The following SLC5A6 variants were observed in gnomAD, a reference collection of about 807,000 sequenced individuals.
SLC5A6 encodes sodium-dependent multivitamin transporter.
In SLC5A6, 31 loss-of-function variants were observed where a neutral mutation model predicts 67.9. The ratio of observed to expected loss-of-function variants is 0.46; its 90% CI spans 0.34 to 0.62. The LOEUF (loss-of-function observed/expected upper bound fraction) is 0.62, where lower values mean the gene tolerates loss of function less well. Among genes scored for constraint, SLC5A6 ranks in the 20% least tolerant of loss-of-function variants. The pLI is 0.01. For missense variants in SLC5A6, 673 were observed against 812.8 expected (o/e 0.83, Z 2.09); for synonymous variants, 343 against 331.0 (o/e 1.04, Z -0.39).
chr2:27,212,056 C>T lies in SLC5A6; in HGVS notation c.-244G>A, dbSNP rs1674570873. The T allele has an allele frequency of 1.8e-6, 2 of 1,095,634 alleles. No homozygotes were observed. The highest frequency in any genetic ancestry group is 2.5e-6 in the Non-Finnish European group (2 of 791,452). 67.9% of individuals were successfully genotyped at this position (1,095,634 alleles called of 1,614,324 possible). A position where few individuals can be genotyped will look rare whatever the true frequency, so the allele number is the denominator to read the frequency against. ...GGAGGGGCCCGAGTTTCTGCGAAGC[C>T]GCGACCTCGGCGTCCGGACGCGGGG... is the stretch of plus-strand genomic sequence containing the variant. On this transcript the variant is annotated 5_prime_UTR_variant, in exon 1 of 17. Transcript: ENST00000310574.
At chr2:27,202,901 A>C in intron 11 of SLC5A6, 21 bp from the exon 12 acceptor site, 1 of 1,611,676 alleles carries the variant, frequency 6.2e-7, no homozygotes, top group Non-Finnish European at 8.5e-7. Flanking sequence ...AGGACAGGAG[A>C]GGAAACAAGA....
upstream of SLC5A6, chr2:27,212,756 T>C: frequency 1.1e-6 from 1 of 880,128 alleles, no homozygotes; most frequent in Non-Finnish European, 1.6e-6. Context: ...TTGTGTAATC[T>C]CTCTACGCAC....
Position 27,201,085 on chromosome 2 carries a change from A to G in SLC5A6, c.1677T>C (p.Pro559=), listed in dbSNP as rs770103895. The part of the protein sequence containing the change: ...TGRMRGRSLN[P]ATIYPVLPKL... ...TTGGCAACACTGGGTAAATGGTTGC[A>G]GGGTTCAGGGACCGGCCTCGCATTC... Residue 559 remains proline, a synonymous_variant, in exon 16 of 17, where the codon CCT becomes CCC. Transcript: ENST00000310574. 3 of 1,613,736 alleles carry G rather than the reference A, an allele frequency of 1.9e-6. No individual in the cohort carries two copies. In the South Asian group the frequency reaches 3.3e-5, roughly 18 times the overall value.
intron 16 of SLC5A6, 69 bp downstream of exon 16, chr2:27,200,929 G>A (rs893226844): frequency 7.7e-6 from 8 of 1,035,588 alleles, no homozygotes; most frequent in South Asian, 2.8e-5. Flanking sequence ...AGGGGTAGAA[G>A]GGAACCTGAA....
chr2:27,211,557 T>C (rs1674503995), intron 1 of SLC5A6, 24 bp from the exon 2 acceptor site: 1 of 152,560 alleles, frequency 6.6e-6, no homozygotes, highest in African/African-American at 2.4e-5. Context: ...GAAAATGAGT[T>C]AGGGAAGCGT....
In SLC5A6 at chr2:27,207,724, G is replaced by C; in HGVS notation, c.-74C>G. 1 of 1,410,564 alleles carries C rather than the reference G, an allele frequency of 7.1e-7. No homozygotes were observed. Among genetic ancestry groups the C allele is most frequent in the Non-Finnish European group, 9.8e-7 (1 of 1,024,964 alleles). The allele number at this position is 1,410,564 out of a possible 1,614,324, so 87.4% of individuals were successfully genotyped here. On this transcript the variant is annotated 5_prime_UTR_variant, in exon 3 of 17. Coordinates refer to ENST00000310574, the MANE Select transcript of SLC5A6 (RefSeq NM_021095.4). This position sits in a 1 kb window ranked among gnomAD's most constrained non-coding sequence, Gnocchi z 5.5. ...GGGGTAGGGCAGGGGCGGATGTGTG[G>C]CTACAATCTGGCTTCCAGCCACAGT...
chr2:27,209,037 CATA>C (rs1437563126), intron 2 of SLC5A6, among the ~76,000 whole-genome samples: 1 of 152,216 alleles, frequency 6.6e-6, no homozygotes, highest in Non-Finnish European at 1.5e-5. Context: ...GGGAAGGGAT[CATA>C]ATATTTAAAA....
At chr2:27,209,436 G>A (rs1674303869) in intron 2 of SLC5A6, among the ~76,000 whole-genome samples, 1 of 152,206 alleles carries the variant, frequency 6.6e-6, no homozygotes, top group African/African-American at 2.4e-5. Context: ...AAAACAGCAT[G>A]TCTCAGATTA....
upstream of SLC5A6, chr2:27,212,690 C>T: frequency 7.5e-7 from 1 of 1,331,602 alleles, no homozygotes; most frequent in Non-Finnish European, 9.7e-7. Context: ...AACTTGATTT[C>T]GCCCCTTAAT....
rs1169519556 is a variant in SLC5A6, at chr2:27,207,527, T to C, written c.124A>G (p.Ile42Val). The change falls in exon 3 of 17, where the codon ATT (isoleucine) becomes GTT (valine). Residue 42 changes from isoleucine to valine, a missense_variant. By Grantham distance (29) the Ile-to-Val change is conservative. Transcript: ENST00000310574. The surrounding 1 kb of genome is among the most constrained non-coding windows in gnomAD (Gnocchi z 5.5). ...CCACGACAAGCATGGTAGAGCCCAA[T>C]GGCAAGAGAGAGAACCAGCAGCAGG... The part of the protein sequence containing the change: ...FVLLLVLSLA[I>V]GLYHACRGWG... 1.2e-6 allele frequency: 2 copies of C among 1,614,112 alleles called. No homozygotes were observed. Among genetic ancestry groups the C allele is most frequent in the Non-Finnish European group, 1.7e-6 (2 of 1,180,016 alleles).
At position 27,204,596 on chromosome 2, in the gene SLC5A6, A is replaced by G. The variant is rs1189197752; in HGVS notation, c.876-6T>C. ...GGAACACTGCATAACAGGAGCTGCA[A>G]AAGAGGTCAGTGCCAGGAGGAGAGC... On this transcript the variant is annotated splice_region_variant and splice_polypyrimidine_tract_variant and intron_variant, in intron 8 of 16. Transcript: ENST00000310574. 6.2e-7 allele frequency: 1 copy of G among 1,613,740 alleles called. No individual in the cohort carries two copies. Among genetic ancestry groups the G allele is most frequent in the African/African-American group, 1.3e-5 (1 of 74,896 alleles).
rs2148014406 is a variant in SLC5A6 at position 27,207,246 on chromosome 2, G to A, written c.393+12C>T. ...CGTGTCCCACGCACTTCTCCCTTCT[G>A]TCCCTGCTCACCTCATAGGCACTGG... On this transcript the variant is annotated intron_variant, in intron 3 of 16. Coordinates refer to ENST00000310574, the MANE Select transcript of SLC5A6 (RefSeq NM_021095.4). This position sits in a 1 kb window ranked among gnomAD's most constrained non-coding sequence, Gnocchi z 5.5. The A allele has an allele frequency of 1.2e-6, 2 of 1,612,574 alleles. No individual in the cohort carries two copies. Among genetic ancestry groups the A allele is most frequent in the Non-Finnish European group, 1.7e-6 (2 of 1,179,038 alleles).
In SLC5A6 at chr2:27,200,585, AAC is replaced by A. The variant is rs1325085996; in HGVS notation, c.1765-8_1765-7del. 5 of 1,609,520 alleles carry A rather than the reference AAC, an allele frequency of 3.1e-6. No homozygotes were observed. The highest frequency in any genetic ancestry group is 8.5e-7 in the Non-Finnish European group (1 of 1,177,698). On this transcript the variant is annotated splice_region_variant and splice_polypyrimidine_tract_variant and intron_variant, in intron 16 of 16. Transcript: ENST00000310574. ...AGGCCAGTGTCGAGGTGGTCCTGCA[AAC>A]ACAGAGCCAAAGGGGTGGAACTGGT...
At chr2:27,202,946 A>C (rs1673765439) in intron 11 of SLC5A6, 66 bp from the exon 12 acceptor site, 1 of 1,594,232 alleles carries the variant, frequency 6.3e-7, no homozygotes, top group African/African-American at 1.4e-5. Flanking sequence ...GGGTAAAGCA[A>C]GGCTCCCTGC....
At position 27,207,085 on chromosome 2, in the gene SLC5A6, A is replaced by G. The variant is rs984941234; in HGVS notation, c.394-143T>C. On this transcript the variant is annotated intron_variant, in intron 3 of 16. Coordinates refer to ENST00000310574, the MANE Select transcript of SLC5A6 (RefSeq NM_021095.4). This position sits in a 1 kb window ranked among gnomAD's most constrained non-coding sequence, Gnocchi z 5.5. Reference sequence around the variant, plus strand: ...TACTCGGCATAGCACCCTCCTCTCCAATCCTGCCCCTATACCTAACATCAC... The same window carrying G: ...TACTCGGCATAGCACCCTCCTCTCCGATCCTGCCCCTATACCTAACATCAC... 2 of 1,027,412 alleles carry G rather than the reference A, an allele frequency of 1.9e-6. No homozygotes were observed. The highest frequency in any genetic ancestry group is 2.4e-5 in the East Asian group (1 of 42,008). 63.6% of individuals were successfully genotyped at this position (1,027,412 alleles called of 1,614,324 possible).
Position 27,206,912 on chromosome 2 carries a change from G to T in SLC5A6, c.424C>A (p.Arg142=). 6.2e-7 allele frequency: 1 copy of T among 1,613,652 alleles called. No homozygotes were observed. The highest frequency in any genetic ancestry group is 8.5e-7 in the Non-Finnish European group (1 of 1,179,628). ...YLELRFNKTV[R]VCGTVTFIFQ... is the part of the protein sequence containing the mutation. ...ATGAAGGTCACAGTTCCACACACTC[G>T]CACAGTTTTATTGAATCGAAGCTCC... is the stretch of plus-strand genomic sequence containing the variant. Residue 142 remains arginine, a synonymous_variant, in exon 4 of 17, where the codon CGA becomes AGA. Transcript: ENST00000310574.
intron 2 of SLC5A6, among the ~76,000 whole-genome samples, 165 bp downstream of exon 2, chr2:27,211,302 T>C (rs1170050265): frequency 6.6e-6 from 1 of 152,080 alleles, no homozygotes; most frequent in East Asian, 1.9e-4. Context: ...ATGGGGGTAA[T>C]GTGGAAGGGA....
chr2:27,203,814 C>CCCTGGCAGG lies in SLC5A6; in HGVS notation c.1050_1058dup (p.Pro352_Leu354dup). 1.2e-6 allele frequency: 2 copies of CCCTGGCAGG among 1,614,060 alleles called. No individual in the cohort carries two copies. Among genetic ancestry groups the CCCTGGCAGG allele is most frequent in the Non-Finnish European group, 1.7e-6 (2 of 1,179,952 alleles). ...CGCTGAAGAGGCAGGCAATGAAGAG[C>CCCTGGCAGG]CCTGGCAGGCCTGGCAGGCCCTTCA... On this transcript the variant is annotated inframe_insertion, in exon 10 of 17. Transcript: ENST00000310574.
intron 1 of SLC5A6, 42 bp downstream of exon 1, chr2:27,211,978 C>T (rs1444985919): frequency 1.9e-6 from 1 of 534,246 alleles, no homozygotes; most frequent in South Asian, 2.6e-5. Flanking sequence ...CCGCCCCCTG[C>T]CCGCCCCCTG....
Sources: allele counts gnomAD v4.1 joint callset (sites outside exome capture counted in the v4.1 genomes callset), GRCh38; gene constraint gnomAD v4.1.1; non-coding constraint Gnocchi (gnomAD v3.1); transcripts MANE v1.5; gene names NCBI Gene and HGNC (gene_info 2026-07-23, HGNC 2026-07-21).